Variants in NTM observed in about 807,000 individuals in gnomAD.
NTM encodes the protein IgLON family member 2.
A neutral mutation model predicts 42.1 loss-of-function variants in NTM; 13 were observed. That is an observed-to-expected ratio of 0.31 (90% CI 0.20 to 0.49). The LOEUF (loss-of-function observed/expected upper bound fraction) is 0.49, where lower values mean the gene tolerates loss of function less well. Ranked by LOEUF, NTM falls within the 20% of genes least tolerant of loss-of-function variation. The pLI is 0.99. For synonymous variants in NTM, 187 were observed against 179.2 expected (o/e 1.04, Z -0.35); for missense variants, 373 against 452.8 (o/e 0.82, Z 1.60).
At position 131,997,902 on chromosome 11, in the gene NTM, A is replaced by G. The variant is rs553027864; in HGVS notation, c.167+86254A>G. Among the ~76,000 whole-genome samples the G allele has an allele frequency of 4.6e-5, 7 of 151,754 alleles. No homozygotes were observed. The East Asian group carries it at 1.2e-3, about 25-fold the overall frequency. Reference sequence around the variant, plus strand: ...TTTCAGTGCTTTGAACTGCTGAAGAACCCTAAAGCCAGGCTCATATGCACC... The same window carrying G: ...TTTCAGTGCTTTGAACTGCTGAAGAGCCCTAAAGCCAGGCTCATATGCACC... On this transcript the variant is annotated intron_variant, in intron 2 of 8. Coordinates refer to ENST00000683400, the MANE Select transcript of NTM (RefSeq NM_001352005.2).
At chr11:131,869,855 C>G (rs996110868) in intron 1 of NTM, among the ~76,000 whole-genome samples, 1 of 152,192 alleles carries the variant, frequency 6.6e-6, no homozygotes, top group East Asian at 1.9e-4. Flanking sequence ...TCTGTGAGCA[C>G]GGCTCTCACT....
At chr11:131,929,792 G>A (rs1261009741) in intron 2 of NTM, among the ~76,000 whole-genome samples, 2 of 152,170 alleles carry the variant, frequency 1.3e-5, no homozygotes, top group African/African-American at 4.8e-5. Context: ...TTTCCTGGGT[G>A]AATAAACACC....
At chr11:132,077,090 T>C (rs1317856494) in intron 2 of NTM, among the ~76,000 whole-genome samples, 2 of 152,204 alleles carry the variant, frequency 1.3e-5, no homozygotes, top group African/African-American at 4.8e-5. Context: ...CACTTTACCT[T>C]ACCCTACTAG....
chr11:132,048,309 A>G (rs949015369), intron 2 of NTM, among the ~76,000 whole-genome samples: 5 of 152,150 alleles, frequency 3.3e-5, no homozygotes, highest in African/African-American at 1.2e-4. Flanking sequence ...CCTCCTGCAA[A>G]GAGAGAAAAC....
chr11:131,567,204 C>G (rs2056981406), intron 1 of NTM, among the ~76,000 whole-genome samples: 1 of 151,978 alleles, frequency 6.6e-6, no homozygotes, highest in Admixed American at 6.6e-5. Flanking sequence ...TAAAAAAACC[C>G]TAGAGGCCGG....
intron 1 of NTM, among the ~76,000 whole-genome samples, chr11:131,671,739 A>C (rs2070290391): frequency 6.6e-6 from 1 of 152,172 alleles, no homozygotes; most frequent in African/African-American, 2.4e-5. Flanking sequence ...TGGTCGATCA[A>C]AGAAGTGGCA....
Position 131,911,053 on chromosome 11 carries a change from G to A in NTM, c.83-511G>A, listed in dbSNP as rs1008233852. ...CGTTCGAACTGAGGGACTGCAGACC[G>A]CCTCTGGGTAGCTGGATGAAGCCCA... On this transcript the variant is annotated intron_variant, in intron 1 of 8. Coordinates refer to ENST00000683400, the MANE Select transcript of NTM (RefSeq NM_001352005.2). The A allele has an allele frequency of 8.5e-6, 9 of 1,056,062 alleles. No homozygotes were observed. In the East Asian group the frequency reaches 2.1e-4, roughly 25 times the overall value. The allele number at this position is 1,056,062 out of a possible 1,614,324, so 65.4% of individuals were successfully genotyped here.
chr11:132,273,057 C>T (rs551428039), intron 4 of NTM, among the ~76,000 whole-genome samples: 22 of 151,892 alleles, frequency 1.4e-4, no homozygotes, highest in East Asian at 5.8e-4. Flanking sequence ...TGTTCTGGTT[C>T]GGATTGAGGA....
At chr11:131,654,915 T>C (rs2066981302) in intron 1 of NTM, among the ~76,000 whole-genome samples, 1 of 152,170 alleles carries the variant, frequency 6.6e-6, no homozygotes, top group Non-Finnish European at 1.5e-5. Context: ...TATTCTTTTA[T>C]AGCAATGCAA....
At chr11:131,909,925 C>A (rs2054443704) in intron 1 of NTM, 1 of 152,140 alleles carries the variant, frequency 6.6e-6, no homozygotes, top group Non-Finnish European at 1.5e-5. Flanking sequence ...CACTCATCCA[C>A]CCAAGTGAGC....
At chr11:131,456,749 G>A (rs1200927842) in intron 1 of NTM, among the ~76,000 whole-genome samples, 1 of 152,140 alleles carries the variant, frequency 6.6e-6, no homozygotes, top group African/African-American at 2.4e-5. Context: ...ATTTTGAGTT[G>A]GGGCTAGAGT....
intron 3 of NTM, among the ~76,000 whole-genome samples, chr11:132,196,987 T>C (rs973057097): frequency 1.3e-5 from 2 of 152,164 alleles, no homozygotes; most frequent in African/African-American, 4.8e-5. Flanking sequence ...TTTTGGCCTG[T>C]GAGAGTGAAG....
chr11:132,076,203 C>A (rs1256622771), intron 2 of NTM, among the ~76,000 whole-genome samples: 1 of 152,090 alleles, frequency 6.6e-6, no homozygotes, highest in Non-Finnish European at 1.5e-5. Context: ...CAGGGGTCAG[C>A]AAACTTTTTC....
Position 131,696,581 on chromosome 11 carries a change from T to G in NTM, c.83-214983T>G, listed in dbSNP as rs1391457149. Among the ~76,000 whole-genome samples the G allele has an allele frequency of 2.0e-5, 3 of 152,176 alleles. No homozygotes were observed. The East Asian group carries it at 5.8e-4, about 29-fold the overall frequency. On this transcript the variant is annotated intron_variant, in intron 1 of 8. Coordinates refer to ENST00000683400, the MANE Select transcript of NTM (RefSeq NM_001352005.2). ...CGTACACCCTGTAGCTAAGTGACCC[T>G]CCACTGTACCTAACCTCTCTGAGCC...
chr11:131,834,503 G>T (rs1247889317), intron 1 of NTM, among the ~76,000 whole-genome samples: 5 of 151,620 alleles, frequency 3.3e-5, no homozygotes, highest in South Asian at 4.2e-4. Flanking sequence ...CTTCTGTTCT[G>T]GTCCCTATCA....
chr11:131,675,887 C>T (rs1000416094), intron 1 of NTM, among the ~76,000 whole-genome samples: 5 of 152,332 alleles, frequency 3.3e-5, no homozygotes, highest in Admixed American at 1.3e-4. Flanking sequence ...AAAGCCCAGA[C>T]GTCTGCTTGA....
At chr11:131,376,118 C>A (rs564958795) in intron 1 of NTM, among the ~76,000 whole-genome samples, 9 of 152,130 alleles carry the variant, frequency 5.9e-5, no homozygotes, top group Non-Finnish European at 1.2e-4. Context: ...GAGGGGAGAG[C>A]CTGTCTTCAC....
chr11:131,598,355 G>T (rs2059991479), intron 1 of NTM, among the ~76,000 whole-genome samples: 2 of 152,220 alleles, frequency 1.3e-5, no homozygotes, highest in African/African-American at 4.8e-5. Context: ...GAAGGGTTTG[G>T]AAATGATAAA....
At chr11:131,807,708 C>T (rs2092568747) in intron 1 of NTM, among the ~76,000 whole-genome samples, 1 of 152,138 alleles carries the variant, frequency 6.6e-6, no homozygotes, top group Non-Finnish European at 1.5e-5. Context: ...CTGGCACCCA[C>T]CACTGTCTTC....
Sources: allele counts gnomAD v4.1 joint callset (sites outside exome capture counted in the v4.1 genomes callset), GRCh38; gene constraint gnomAD v4.1.1; transcripts MANE v1.5; gene names NCBI Gene and HGNC (gene_info 2026-07-23, HGNC 2026-07-21).